DROSHA: variants seen among roughly 807,000 people sequenced by gnomAD.
DROSHA encodes ribonuclease 3.
Under a neutral mutation model 181.9 loss-of-function variants are expected in DROSHA, and 56 were observed. The observed-to-expected ratio is 0.31, with a 90% CI of 0.25 to 0.38. The LOEUF is 0.38. Among genes scored for constraint, DROSHA ranks in the 10% least tolerant of loss-of-function variants. DROSHA has a pLI of 1.00. For synonymous variants in DROSHA, 524 were observed against 591.2 expected, an observed-to-expected ratio of 0.89 and a Z score of 1.65; for missense variants, 1,218 against 1,743.5, an observed-to-expected ratio of 0.70 and a Z score of 5.37.
At position 31,526,671 on chromosome 5, in the gene DROSHA, A is replaced by C. The variant is rs774717863; in HGVS notation, c.262T>G (p.Ser88Ala). Reference protein sequence around the residue: ...FVPFPPPMPPSAQGPLPPCPI... With the variant: ...FVPFPPPMPPAAQGPLPPCPI... Reference sequence around the variant, plus strand: ...CAGGGGGGAAGAGGGCCTTGCGCTGACGGAGGCATGGGTGGGGGGAAGGGT... The same window carrying C: ...CAGGGGGGAAGAGGGCCTTGCGCTGCCGGAGGCATGGGTGGGGGGAAGGGT... The change falls in exon 5 of 36, where the codon TCA becomes GCA. Residue 88 changes from serine to alanine, a missense_variant. Physicochemically the swap from Ser to Ala is moderately conservative, Grantham distance 99. Around this residue, in one of 8 missense-constraint regions of DROSHA, gnomAD observed 536 missense variants for 535.4 expected, o/e 1.00. Transcript: ENST00000344624. 1.3e-5 allele frequency: 16 copies of C among 1,238,896 alleles called. No homozygotes were observed. The highest frequency in any genetic ancestry group is 3.1e-5 in the Admixed American group (1 of 31,922). The allele number at this position is 1,238,896 out of a possible 1,614,324, so 76.7% of individuals were successfully genotyped here.
rs766184093 is a variant in DROSHA at position 31,435,779 on chromosome 5, C to T, written c.3028G>A (p.Ala1010Thr). ...RTAIVQNQHL[A>T]MLAKKLELDR... is the part of the protein sequence containing the mutation. ...GTCTTCTATACCTTTGCTAGCATGG[C>T]AAGGTGCTGATTCTGAACAATGGCA... Residue 1010 changes from alanine to threonine, a missense_variant, in exon 25 of 36, where the codon GCC becomes ACC. Ala to Thr is a moderately conservative substitution (Grantham distance 58, BLOSUM62 0). This residue lies in a region of DROSHA where 460 missense variants were observed against 774.2 expected (regional missense o/e 0.59). Coordinates refer to ENST00000344624, the MANE Select transcript of DROSHA (RefSeq NM_001382508.1). 1 of 1,613,606 alleles carries T rather than the reference C, an allele frequency of 6.2e-7. No homozygotes were observed. Among genetic ancestry groups the T allele is most frequent in the Non-Finnish European group, 8.5e-7 (1 of 1,179,796 alleles).
rs1741397168 is a variant in DROSHA at position 31,412,256 on chromosome 5, T to C, written c.3526-1369A>G. On this transcript the variant is annotated intron_variant, in intron 30 of 35. Transcript: ENST00000344624. ...ACATAATCATCCCTGATCTCTAAGA[T>C]TTGGGAGAGTAATGCATCTACAACT... 2.0e-5 allele frequency among the ~76,000 whole-genome samples: 3 copies of C among 152,138 alleles called. No individual in the cohort carries two copies. In the South Asian group the frequency reaches 6.2e-4, roughly 32 times the overall value.
intron 27 of DROSHA, among the ~76,000 whole-genome samples, chr5:31,426,453 T>C (rs76871241): frequency 1.0e-3 from 156 of 152,278 alleles, no homozygotes; most frequent in African/African-American, 3.6e-3. Context: ...CTTTAATACA[T>C]TGTGGTAAGT....
Position 31,470,024 on chromosome 5 carries a change from CT to C in DROSHA, c.2242-1962del, listed in dbSNP as rs1749553891. Among the ~76,000 whole-genome samples, 1 of 152,310 alleles carries C rather than the reference CT, an allele frequency of 6.6e-6. No individual in the cohort carries two copies. The highest frequency in any genetic ancestry group is 2.4e-5 in the African/African-American group (1 of 41,580). ...CCTTGTCGTATGAGTAACTTGCACA[CT>C]TCTCAGTAGGATGTTTTCATAATAC... On this transcript the variant is annotated intron_variant, in intron 17 of 35. Coordinates refer to ENST00000344624, the MANE Select transcript of DROSHA (RefSeq NM_001382508.1). This position sits in a 1 kb window ranked among gnomAD's most constrained non-coding sequence, Gnocchi z 4.0.
At chr5:31,522,192 T>C (rs892433702) in intron 5 of DROSHA, among the ~76,000 whole-genome samples, 1 of 152,212 alleles carries the variant, frequency 6.6e-6, no homozygotes, top group Non-Finnish European at 1.5e-5. Flanking sequence ...CTTTGAATAA[T>C]GTTTCTGATA....
chr5:31,455,891 C>T (rs761470090), intron 20 of DROSHA, among the ~76,000 whole-genome samples: 44 of 152,162 alleles, frequency 2.9e-4, no homozygotes, highest in Non-Finnish European at 5.3e-4. Flanking sequence ...ATGCACTTGC[C>T]TTGGCCTCCC....
At chr5:31,494,823 C>T (rs1017385710) in intron 12 of DROSHA, among the ~76,000 whole-genome samples, 38 of 151,984 alleles carry the variant, frequency 2.5e-4, no homozygotes, top group Non-Finnish European at 1.6e-4. Flanking sequence ...TACAGGTGCC[C>T]GCCACCATGC....
At chr5:31,463,289 T>C (rs1406458727) in intron 20 of DROSHA, among the ~76,000 whole-genome samples, 1 of 152,228 alleles carries the variant, frequency 6.6e-6, no homozygotes, top group East Asian at 1.9e-4. Flanking sequence ...TAGTTAGCTT[T>C]GGACGTCACT....
At chr5:31,456,467 C>CAG (rs1233104771) in intron 20 of DROSHA, among the ~76,000 whole-genome samples, 1 of 134,656 alleles carries the variant, frequency 7.4e-6, no homozygotes. Flanking sequence ...ACAAGATACA[C>CAG]ACACACACAC....
intron 11 of DROSHA, among the ~76,000 whole-genome samples, chr5:31,496,493 C>T (rs1378357840): frequency 3.3e-5 from 5 of 152,200 alleles, no homozygotes; most frequent in Non-Finnish European, 7.3e-5. Flanking sequence ...GCTCTCCCAG[C>T]GGTGCCCCAG....
At position 31,437,361 on chromosome 5, in the gene DROSHA, C is replaced by T. The variant is rs533781923; in HGVS notation, c.2883-63G>A. 124 of 1,181,258 alleles carry T rather than the reference C, an allele frequency of 1.0e-4. No individual in the cohort carries two copies. In the African/African-American group the frequency reaches 1.9e-3, roughly 18 times the overall value. 73.2% of individuals were successfully genotyped at this position (1,181,258 alleles called of 1,614,324 possible). ...ATTAACACTCCCCCCCACCCACCCACCCCCGCAAGAAAAGAACACATGAGG... is the reference window on the plus strand; with the variant it reads ...ATTAACACTCCCCCCCACCCACCCATCCCCGCAAGAAAAGAACACATGAGG... On this transcript the variant is annotated intron_variant, in intron 23 of 35. Transcript: ENST00000344624.
intron 24 of DROSHA, 78 bp from the exon 25 acceptor site, chr5:31,435,942 G>T: frequency 1.5e-6 from 2 of 1,330,778 alleles, no homozygotes; most frequent in Non-Finnish European, 2.1e-6. Context: ...CAGAAACAGG[G>T]CTGGCACACA....
At chr5:31,418,640 T>G (rs780872238) in intron 30 of DROSHA, among the ~76,000 whole-genome samples, 12 of 151,924 alleles carry the variant, frequency 7.9e-5, no homozygotes, top group Non-Finnish European at 1.8e-4. Flanking sequence ...CTAGGGAGGA[T>G]GTGGGTGACA....
chr5:31,419,629 C>A (rs552706304), intron 30 of DROSHA, among the ~76,000 whole-genome samples: 6 of 152,264 alleles, frequency 3.9e-5, no homozygotes, highest in African/African-American at 1.4e-4. Context: ...ATAAACTTCC[C>A]ATCTCTATAA....
At position 31,424,414 on chromosome 5, in the gene DROSHA, A is replaced by G. The variant is rs530099898; in HGVS notation, c.3261+13T>C. The G allele has an allele frequency of 5.0e-6, 8 of 1,596,378 alleles. No individual in the cohort carries two copies. In the East Asian group the frequency reaches 1.8e-4, roughly 36 times the overall value. On this transcript the variant is annotated intron_variant, in intron 28 of 35. Transcript: ENST00000344624. ...GTTATAAAGCTCACTGCAGACAGGG[A>G]GGTCATACTTACTTGGAGTGGGTGG... is the stretch of plus-strand genomic sequence containing the variant.
chr5:31,508,897 AC>A (rs1738329361), intron 9 of DROSHA, 122 bp from the exon 10 acceptor site: 3 of 1,119,782 alleles, frequency 2.7e-6, no homozygotes, highest in Non-Finnish European at 3.7e-6. Flanking sequence ...ATCTCAGCTC[AC>A]TGCAAACTCC....
chr5:31,471,527 G>A (rs1749717962), intron 17 of DROSHA, among the ~76,000 whole-genome samples: 1 of 151,764 alleles, frequency 6.6e-6, no homozygotes, highest in African/African-American at 2.4e-5. Flanking sequence ...AAAAACTTAA[G>A]TAGCACCCAA....
chr5:31,410,064 A>G (rs891565542), intron 31 of DROSHA, among the ~76,000 whole-genome samples: 4 of 151,972 alleles, frequency 2.6e-5, no homozygotes, highest in African/African-American at 9.7e-5. Flanking sequence ...AGTTCTTTTA[A>G]GTTCCTTAGT....
chr5:31,504,014 C>A (rs897983026), intron 11 of DROSHA, among the ~76,000 whole-genome samples: 2 of 152,116 alleles, frequency 1.3e-5, no homozygotes, highest in African/African-American at 2.4e-5. Context: ...ATAAAGGGAA[C>A]AAATGAGGGA....
Sources: gnomAD v4.1 joint callset for allele counts (sites outside exome capture counted in the v4.1 genomes callset) on GRCh38, gnomAD v4.1.1 for gene constraint, gnomAD v4.1.1 regional missense constraint, Gnocchi (gnomAD v3.1) non-coding constraint, MANE v1.5 for transcripts, NCBI Gene and HGNC (gene_info 2026-07-23, HGNC 2026-07-21) for gene names.